Variants in NOL4 observed in about 807,000 individuals in gnomAD.
The protein encoded by NOL4 is nucleolar protein 4.
A neutral mutation model predicts 75.9 loss-of-function variants in NOL4; 17 were observed. The observed-to-expected ratio is 0.22, with a 90% CI of 0.15 to 0.34. The LOEUF is 0.34. Ranked by LOEUF, NOL4 falls within the 10% of genes least tolerant of loss-of-function variation. The probability of loss-of-function intolerance (pLI) is 1.00; values close to 1 mark genes in which losing one functional copy is unlikely to be tolerated. For missense variants in NOL4, 614 were observed against 793.5 expected (o/e 0.77, Z 2.72); for synonymous variants, 292 against 289.9 (o/e 1.01, Z -0.07).
chr18:34,192,982 G>A (rs1366264098), intron 1 of NOL4, among the ~76,000 whole-genome samples: 2 of 152,044 alleles, frequency 1.3e-5, no homozygotes, highest in African/African-American at 2.4e-5. Flanking sequence ...CAGGCTCCTC[G>A]ACCTTAGATT....
At chr18:33,874,013 G>C (rs1157520094) in intron 10 of NOL4, among the ~76,000 whole-genome samples, 1 of 151,896 alleles carries the variant, frequency 6.6e-6, no homozygotes, top group South Asian at 2.1e-4. Context: ...CGGGGATGAA[G>C]AATTCATTTT....
chr18:34,001,971 A>C (rs2073746431), intron 6 of NOL4, among the ~76,000 whole-genome samples: 1 of 152,242 alleles, frequency 6.6e-6, no homozygotes, highest in Non-Finnish European at 1.5e-5. Flanking sequence ...GTGTCACAGC[A>C]GCTTGAGGCC....
intron 1 of NOL4, among the ~76,000 whole-genome samples, chr18:34,154,351 A>G: frequency 6.6e-6 from 1 of 152,022 alleles, no homozygotes; most frequent in Non-Finnish European, 1.5e-5. Context: ...GAAATAGAAG[A>G]GTAGCAGCAC....
At chr18:34,166,619 C>A (rs1243957985) in intron 1 of NOL4, among the ~76,000 whole-genome samples, 1 of 152,086 alleles carries the variant, frequency 6.6e-6, no homozygotes, top group African/African-American at 2.4e-5. Flanking sequence ...TTATAACAAT[C>A]ATGCTGTAAC....
chr18:33,884,678 A>G (rs2064528072), intron 9 of NOL4, among the ~76,000 whole-genome samples: 1 of 150,934 alleles, frequency 6.6e-6, no homozygotes, highest in South Asian at 2.1e-4. Flanking sequence ...TTCTTAGGAG[A>G]GTTTTTTGTC....
At position 34,173,518 on chromosome 18, in the gene NOL4, T is replaced by G. The variant is rs1223577180; in HGVS notation, c.265-43498A>C. Reference sequence around the variant, plus strand: ...ATCGTCATGTTGTATACCTTGGATATATAAAATGTTTATTTGTTAATTAAT... The same window carrying G: ...ATCGTCATGTTGTATACCTTGGATAGATAAAATGTTTATTTGTTAATTAAT... On this transcript the variant is annotated intron_variant, in intron 1 of 10. Coordinates refer to ENST00000261592, the MANE Select transcript of NOL4 (RefSeq NM_003787.5). 2.0e-5 allele frequency among the ~76,000 whole-genome samples: 3 copies of G among 152,274 alleles called. No individual in the cohort carries two copies. The South Asian group carries it at 6.2e-4, about 32-fold the overall frequency.
intron 6 of NOL4, among the ~76,000 whole-genome samples, chr18:34,005,362 T>G (rs2073978780): frequency 6.6e-6 from 1 of 152,092 alleles, no homozygotes; most frequent in Non-Finnish European, 1.5e-5. Context: ...TGCTTCATCT[T>G]GATCCTTCAT....
At chr18:34,156,395 T>A (rs553130033) in intron 1 of NOL4, among the ~76,000 whole-genome samples, 1 of 152,308 alleles carries the variant, frequency 6.6e-6, no homozygotes, top group South Asian at 2.1e-4. Flanking sequence ...GGAGCATGGC[T>A]ATGAACCAAG....
intron 1 of NOL4, among the ~76,000 whole-genome samples, chr18:34,188,895 A>C (rs1212731044): frequency 6.6e-6 from 1 of 152,166 alleles, no homozygotes; most frequent in East Asian, 1.9e-4. Context: ...ACATGACCTC[A>C]ATGTTTTATA....
intron 9 of NOL4, among the ~76,000 whole-genome samples, chr18:33,919,473 C>CCGGA (rs535946916): frequency 8.1e-4 from 123 of 152,272 alleles, no homozygotes; most frequent in Middle Eastern, 6.8e-3. Context: ...AGAAACGCTG[C>CCGGA]CTTCAGTGGT....
rs1555696186 is a variant in NOL4, at chr18:34,024,194, A to ATATAT, written c.773-4594_773-4593insATATA. On this transcript the variant is annotated intron_variant, in intron 5 of 10. Transcript: ENST00000261592. ...CAAAATAAACAGGAAAAAAAAAAAAAATATATATATATATATATATAAAAT... is the reference window on the plus strand; with the variant it reads ...CAAAATAAACAGGAAAAAAAAAAAAATATATATATATATATATATATATATAAAAT... Among the ~76,000 whole-genome samples the ATATAT allele has an allele frequency of 5.5e-4, 39 of 70,682 alleles. 2 individuals are homozygous for ATATAT. Among genetic ancestry groups the ATATAT allele is most frequent in the African/African-American group, 1.8e-3 (35 of 18,968 alleles). The allele number at this position is 70,682 out of a possible 152,430, so 46.4% of individuals were successfully genotyped here.
At chr18:34,035,905 A>G (rs2075871463) in intron 5 of NOL4, among the ~76,000 whole-genome samples, 1 of 152,130 alleles carries the variant, frequency 6.6e-6, no homozygotes, top group Non-Finnish European at 1.5e-5. Context: ...GGAAACATAT[A>G]TCCTACTAAA....
chr18:34,167,206 A>G (rs955789871), intron 1 of NOL4, among the ~76,000 whole-genome samples: 1 of 152,070 alleles, frequency 6.6e-6, no homozygotes, highest in African/African-American at 2.4e-5. Flanking sequence ...TGCAAATACT[A>G]GACCATTTTC....
intron 2 of NOL4, among the ~76,000 whole-genome samples, chr18:34,107,232 T>C (rs77174893): frequency 3.5e-3 from 536 of 152,248 alleles, no homozygotes; most frequent in Non-Finnish European, 5.6e-3. Flanking sequence ...TTTCTTGAAA[T>C]TATTAATAAT....
At chr18:34,128,302 T>G (rs2080474770) in intron 2 of NOL4, among the ~76,000 whole-genome samples, 1 of 151,952 alleles carries the variant, frequency 6.6e-6, no homozygotes, top group South Asian at 2.1e-4. Context: ...TGCTTGTTAT[T>G]TTGGTTTTTG....
At chr18:33,988,410 G>T (rs990776720) in intron 6 of NOL4, among the ~76,000 whole-genome samples, 2 of 152,014 alleles carry the variant, frequency 1.3e-5, no homozygotes, top group African/African-American at 4.8e-5. Context: ...CTTGAGACCT[G>T]ATCATTTCTT....
intron 9 of NOL4, among the ~76,000 whole-genome samples, chr18:33,908,355 A>G (rs770452853): frequency 2.0e-5 from 3 of 152,218 alleles, no homozygotes; most frequent in Non-Finnish European, 4.4e-5. Context: ...TTAGGATATA[A>G]TCATAGATGG....
At chr18:34,194,289 C>T (rs1422967872) in intron 1 of NOL4, among the ~76,000 whole-genome samples, 1 of 151,940 alleles carries the variant, frequency 6.6e-6, no homozygotes, top group African/African-American at 2.4e-5. Context: ...ATCCCACAAT[C>T]TATACATATT....
chr18:34,200,378 A>G (rs915019587), intron 1 of NOL4, among the ~76,000 whole-genome samples: 1 of 151,850 alleles, frequency 6.6e-6, no homozygotes, highest in Non-Finnish European at 1.5e-5. Context: ...AATAATTTTT[A>G]AAATAAAGTG....
Sources: allele counts gnomAD v4.1 joint callset (sites outside exome capture counted in the v4.1 genomes callset), GRCh38; gene constraint gnomAD v4.1.1; transcripts MANE v1.5; gene names NCBI Gene and HGNC (gene_info 2026-07-23, HGNC 2026-07-21).